Variants in SEC61A2 observed in about 807,000 individuals in gnomAD.
SEC61A2 encodes the protein protein transport protein Sec61 subunit alpha isoform 2.
In SEC61A2, 28 loss-of-function variants were observed where a neutral mutation model predicts 59.9. That is an observed-to-expected ratio of 0.47 (90% CI 0.35 to 0.64). The LOEUF (loss-of-function observed/expected upper bound fraction) is 0.64. SEC61A2 is among the 30% of genes least tolerant of loss of function. The pLI is 0.01. For missense variants in SEC61A2, 340 were observed against 585.9 expected (o/e 0.58, Z 4.33); for synonymous variants, 202 against 214.4 (o/e 0.94, Z 0.50).
downstream of SEC61A2, chr10:12,167,618 A>G: frequency 1.5e-6 from 2 of 1,309,374 alleles, no homozygotes; most frequent in Non-Finnish European, 2.2e-6. Flanking sequence ...TGGCAAATCT[A>G]CATTAAACTA....
rs1834341648 is a variant in SEC61A2, at chr10:12,153,964, A to G, written c.463-1814A>G. On this transcript the variant is annotated intron_variant, in intron 6 of 11. Coordinates refer to ENST00000298428, the MANE Select transcript of SEC61A2 (RefSeq NM_018144.4). The surrounding 1 kb of genome is among the most constrained non-coding windows in gnomAD (Gnocchi z 5.2). The stretch of plus-strand genomic sequence containing the variant: ...AAATTTTAAAAAACTATTAGAGAAT[A>G]TCAGTGTGCATGGCACATAATAAAG... 3 of 608,496 alleles carry G rather than the reference A, an allele frequency of 4.9e-6. No individual in the cohort carries two copies. Among genetic ancestry groups the G allele is most frequent in the Admixed American group, 7.2e-5 (2 of 27,838 alleles). The allele number at this position is 608,496 out of a possible 1,614,324, so 37.7% of individuals were successfully genotyped here. A position where few individuals can be genotyped will look rare whatever the true frequency, so the allele number is the denominator to read the frequency against.
Position 12,157,995 on chromosome 10 carries a change from A to G in SEC61A2, c.865A>G (p.Ile289Val). 6.2e-7 allele frequency: 1 copy of G among 1,613,978 alleles called. No homozygotes were observed. Among genetic ancestry groups the G allele is most frequent in the Non-Finnish European group, 8.5e-7 (1 of 1,179,970 alleles). Residue 289 changes from isoleucine to valine, a missense_variant, in exon 9 of 12, where the codon ATC (isoleucine) becomes GTC (valine). Ile to Val is a conservative substitution (Grantham distance 29). This residue lies in a region of SEC61A2 where 283 missense variants were observed against 483.2 expected (regional missense o/e 0.59). Transcript: ENST00000298428. ...CATCAAACTCTTCTACACCTCCAAC[A>G]TCCCCATCATCCTCCAGTCGGCCCT... The part of the protein sequence containing the change: ...YPIKLFYTSN[I>V]PIILQSALVS...
In SEC61A2 at chr10:12,145,148, A is replaced by G. The variant is rs1834109246; in HGVS notation, c.220+1953A>G. ...GATGTTGCAGATGTATCTAAGTCAG[A>G]TCATGAAGGGCTTGGAGACCGTTGG... On this transcript the variant is annotated intron_variant, in intron 4 of 11. Transcript: ENST00000298428. This position sits in a 1 kb window ranked among gnomAD's most constrained non-coding sequence, Gnocchi z 4.4. 6.6e-6 allele frequency among the ~76,000 whole-genome samples: 1 copy of G among 152,134 alleles called. No homozygotes were observed. The highest frequency in any genetic ancestry group is 2.4e-5 in the African/African-American group (1 of 41,442).
In SEC61A2 at chr10:12,155,419, TTTCAGTTTC is replaced by T; in HGVS notation, c.463-356_463-348del. ...ACTTCCTTGGAGGTATTTGGGATGT[TTTCAGTTTC>T]TTGCTGTCATAAATTCTAGAATACT... On this transcript the variant is annotated intron_variant, in intron 6 of 11. Transcript: ENST00000298428. The surrounding 1 kb of genome is among the most constrained non-coding windows in gnomAD (Gnocchi z 4.3). The T allele has an allele frequency of 2.2e-6, 3 of 1,373,184 alleles. No individual in the cohort carries two copies. In the East Asian group the frequency reaches 7.4e-5, roughly 34 times the overall value. The allele number at this position is 1,373,184 out of a possible 1,614,324, so 85.1% of individuals were successfully genotyped here. A position where few individuals can be genotyped will look rare whatever the true frequency, so the allele number is the denominator to read the frequency against.
At chr10:12,132,730 G>A (rs1259842480) in intron 1 of SEC61A2, among the ~76,000 whole-genome samples, 1 of 151,974 alleles carries the variant, frequency 6.6e-6, no homozygotes, top group Non-Finnish European at 1.5e-5. Context: ...CCCATTTGCC[G>A]TTGTGCTTCC....
chr10:12,147,511 C>A (rs1294377598), intron 4 of SEC61A2, among the ~76,000 whole-genome samples: 1 of 151,932 alleles, frequency 6.6e-6, no homozygotes. Flanking sequence ...GTAGTGAAAC[C>A]CCATCTCTAC....
rs754308447 is a variant in SEC61A2 at position 12,149,337 on chromosome 10, C to T, written c.221-258C>T. ...CTTCTGACCTCAGGTGATCCACACA[C>T]CTCGGCCTCCCAAAGTGTGGGGACT... On this transcript the variant is annotated intron_variant, in intron 4 of 11. Transcript: ENST00000298428. The surrounding 1 kb of genome is among the most constrained non-coding windows in gnomAD (Gnocchi z 5.2). Among the ~76,000 whole-genome samples the T allele has an allele frequency of 1.2e-4, 19 of 152,298 alleles. No homozygotes were observed. The highest frequency in any genetic ancestry group is 2.5e-4 in the Non-Finnish European group (17 of 68,030).
At chr10:12,135,976 A>G (rs1354192376) in intron 2 of SEC61A2, 129 bp from the exon 3 acceptor site, 1 of 681,614 alleles carries the variant, frequency 1.5e-6, no homozygotes, top group Non-Finnish European at 2.7e-6. Flanking sequence ...TGCTTCCTTT[A>G]TAACACATAA....
chr10:12,159,198 C>T (rs1013470583), intron 9 of SEC61A2, among the ~76,000 whole-genome samples: 7 of 151,902 alleles, frequency 4.6e-5, no homozygotes, highest in African/African-American at 1.5e-4. Flanking sequence ...AGGATGGTCT[C>T]GATCTCCTGA....
intron 3 of SEC61A2, among the ~76,000 whole-genome samples, chr10:12,137,401 C>G (rs1833914119): frequency 6.6e-6 from 1 of 152,058 alleles, no homozygotes; most frequent in African/African-American, 2.4e-5. Context: ...CTTCCCCAAG[C>G]CCGGGTGATC....
chr10:12,149,955 C>A lies in SEC61A2; in HGVS notation c.456C>A (p.Ile152=), dbSNP rs1834237752. The change falls in exon 6 of 12, where the codon ATC becomes ATA. Residue 152 remains isoleucine, a synonymous_variant. Transcript: ENST00000298428. This position sits in a 1 kb window ranked among gnomAD's most constrained non-coding sequence, Gnocchi z 5.2. The part of the protein sequence containing the change: ...EMGAGICLLI[I]IQLFVAGLIV... ...GTGCCGGAATCTGTCTCCTGATCATCATTCAGGTAAGAAATCCTATATTTT... is the reference window on the plus strand; with the variant it reads ...GTGCCGGAATCTGTCTCCTGATCATAATTCAGGTAAGAAATCCTATATTTT... 6.3e-6 allele frequency: 10 copies of A among 1,596,520 alleles called. No individual in the cohort carries two copies. Among genetic ancestry groups the A allele is most frequent in the Non-Finnish European group, 8.6e-6 (10 of 1,164,136 alleles).
rs1347065447 is a variant in SEC61A2 at position 12,143,073 on chromosome 10, C to T, written c.142-44C>T. ...GTTCAAGCGATTCTTATGCCTCAGC[C>T]TTATATAATACAGTTTCATAAACTA... On this transcript the variant is annotated intron_variant, in intron 3 of 11. Transcript: ENST00000298428. The surrounding 1 kb of genome is among the most constrained non-coding windows in gnomAD (Gnocchi z 4.8). The T allele has an allele frequency of 2.0e-6, 3 of 1,467,868 alleles. No homozygotes were observed. 90.9% of individuals were successfully genotyped at this position (1,467,868 alleles called of 1,614,324 possible).
intron 1 of SEC61A2, 23 bp from the exon 2 acceptor site, chr10:12,133,218 A>G (rs779151090): frequency 3.4e-6 from 4 of 1,165,970 alleles, no homozygotes; most frequent in Non-Finnish European, 5.1e-6. Context: ...TAATAGGAAC[A>G]TTTATTATTT....
rs1042384167 is a variant in SEC61A2, at chr10:12,129,693, C to T, written c.-95C>T. The T allele has an allele frequency of 1.6e-6, 2 of 1,235,774 alleles. No homozygotes were observed. The highest frequency in any genetic ancestry group is 2.2e-6 in the Non-Finnish European group (2 of 902,966). The allele number at this position is 1,235,774 out of a possible 1,614,324, so 76.6% of individuals were successfully genotyped here. On this transcript the variant is annotated 5_prime_UTR_variant, in exon 1 of 12. Coordinates refer to ENST00000298428, the MANE Select transcript of SEC61A2 (RefSeq NM_018144.4). This position sits in a 1 kb window ranked among gnomAD's most constrained non-coding sequence, Gnocchi z 5.6. ...GGAGCCTGCGCGGGGCCGGTAGGAT[C>T]GCGTCGGGAGCCGGTACCGAGGCCC...
chr10:12,157,238 G>A (rs965796433), intron 8 of SEC61A2, 171 bp downstream of exon 8: 1 of 656,210 alleles, frequency 1.5e-6, no homozygotes, highest in Non-Finnish European at 2.6e-6. Context: ...AAATATTGGA[G>A]TCTCTGTACT....
chr10:12,141,527 G>T (rs1466584113), intron 3 of SEC61A2, among the ~76,000 whole-genome samples: 1 of 152,084 alleles, frequency 6.6e-6, no homozygotes. Flanking sequence ...TTGTTTTAAT[G>T]AAAAGTTAAT....
chr10:12,131,759 G>C (rs1833744313), intron 1 of SEC61A2, among the ~76,000 whole-genome samples: 1 of 129,048 alleles, frequency 7.7e-6, no homozygotes, highest in Non-Finnish European at 1.6e-5. Context: ...GGCTCCATCC[G>C]GGCTTACTGC....
rs375965883 is a variant in SEC61A2, at chr10:12,154,002, T to C, written c.463-1776T>C. 4.5e-4 allele frequency among the ~76,000 whole-genome samples: 68 copies of C among 152,380 alleles called. No individual in the cohort carries two copies. The highest frequency in any genetic ancestry group is 1.6e-3 in the African/African-American group (67 of 41,596). On this transcript the variant is annotated intron_variant, in intron 6 of 11. Transcript: ENST00000298428. This position sits in a 1 kb window ranked among gnomAD's most constrained non-coding sequence, Gnocchi z 5.2. The stretch of plus-strand genomic sequence containing the variant: ...GCACATAATAAAGGTAAGTATGTTT[T>C]GACATACTGAACAAAAGATAGTTTG...
At position 12,161,834 on chromosome 10, in the gene SEC61A2, A is replaced by G. The variant is rs1157748131; in HGVS notation, c.1168-379A>G. ...ATTCATATTTAATTGTCAAAACAGT[A>G]GTGGATACACTCCTTTATAACTTAA... On this transcript the variant is annotated intron_variant, in intron 10 of 11. Transcript: ENST00000298428. This position sits in a 1 kb window ranked among gnomAD's most constrained non-coding sequence, Gnocchi z 5.4. Among the ~76,000 whole-genome samples, 1 of 152,224 alleles carries G rather than the reference A, an allele frequency of 6.6e-6. No individual in the cohort carries two copies. The highest frequency in any genetic ancestry group is 1.9e-4 in the East Asian group (1 of 5,198).
Sources: gnomAD v4.1 joint callset for allele counts (sites outside exome capture counted in the v4.1 genomes callset) on GRCh38, gnomAD v4.1.1 for gene constraint, gnomAD v4.1.1 regional missense constraint, Gnocchi (gnomAD v3.1) non-coding constraint, MANE v1.5 for transcripts, NCBI Gene and HGNC (gene_info 2026-07-23, HGNC 2026-07-21) for gene names.